Variants in GAS7 observed in about 807,000 individuals in gnomAD.
GAS7 encodes the protein growth arrest-specific protein 7.
Under a neutral mutation model 71.1 loss-of-function variants are expected in GAS7, and 28 were observed. The observed-to-expected ratio is 0.39, with a 90% confidence interval of 0.29 to 0.54. GAS7 has a LOEUF of 0.54. Ranked by LOEUF, GAS7 falls within the 20% of genes least tolerant of loss-of-function variation. GAS7 has a pLI of 0.62. For synonymous variants in GAS7, 258 were observed against 245.8 expected (o/e 1.05, Z -0.46); for missense variants, 436 against 627.8 (o/e 0.69, Z 3.27).
At chr17:10,163,132 A>G (rs2074268648) in intron 1 of GAS7, among the ~76,000 whole-genome samples, 1 of 152,148 alleles carries the variant, frequency 6.6e-6, no homozygotes, top group Non-Finnish European at 1.5e-5. Flanking sequence ...CTTTGTAGAG[A>G]CTGGGTCTTA....
At chr17:9,966,455 T>C (rs1375419430) in intron 4 of GAS7, among the ~76,000 whole-genome samples, 1 of 152,194 alleles carries the variant, frequency 6.6e-6, no homozygotes, top group African/African-American at 2.4e-5. Flanking sequence ...CCACCCCACA[T>C]GCCGCATCTC....
chr17:10,064,052 C>T lies in GAS7; in HGVS notation c.184-44155G>A, dbSNP rs75772645. On this transcript the variant is annotated intron_variant, in intron 1 of 13. Transcript: ENST00000432992. The stretch of plus-strand genomic sequence containing the variant: ...CACCAGCTCGAACATTAGTCACACA[C>T]GTGCCAACAGAAGTTCAAAGATGCT... Among the ~76,000 whole-genome samples the T allele has an allele frequency of 1.8e-4, 27 of 152,262 alleles. No homozygotes were observed. The East Asian group carries it at 5.0e-3, about 28-fold the overall frequency.
chr17:9,982,790 A>G (rs1380669024), intron 2 of GAS7, among the ~76,000 whole-genome samples: 1 of 83,542 alleles, frequency 1.2e-5, no homozygotes, highest in Non-Finnish European at 2.3e-5. Context: ...AAAAAGAAAG[A>G]AAGAAAGGAA....
intron 1 of GAS7, among the ~76,000 whole-genome samples, chr17:10,196,729 G>A (rs11651731): frequency 6.6e-6 from 1 of 152,202 alleles, no homozygotes; most frequent in Non-Finnish European, 1.5e-5. Flanking sequence ...GAATTTCCTG[G>A]AAAAGGGTGA....
intron 1 of GAS7, among the ~76,000 whole-genome samples, chr17:10,037,397 T>A (rs1461403878): frequency 6.6e-6 from 1 of 152,024 alleles, no homozygotes; most frequent in African/African-American, 2.4e-5. Flanking sequence ...TATTTCTGTG[T>A]TTGCTTTCAG....
chr17:10,177,349 T>A (rs2074380591), intron 1 of GAS7, among the ~76,000 whole-genome samples: 1 of 151,766 alleles, frequency 6.6e-6, no homozygotes. Flanking sequence ...GGAGAAGGAG[T>A]GAGGCCAGGT....
intron 1 of GAS7, among the ~76,000 whole-genome samples, chr17:10,046,844 G>GGAAGGAAGGAAA (rs1597746203): frequency 1.2e-5 from 1 of 80,902 alleles, no homozygotes; most frequent in Admixed American, 1.2e-4. Flanking sequence ...AAGGAAGGAA[G>GGAAGGAAGGAAA]GAAAGAAAAG....
chr17:10,045,040 C>CAAAAA (rs5819261), intron 1 of GAS7, among the ~76,000 whole-genome samples: 1 of 82,198 alleles, frequency 1.2e-5, no homozygotes, highest in Non-Finnish European at 2.5e-5. Flanking sequence ...GACTCCATCT[C>CAAAAA]AAAAAAAAAA....
rs890294589 is a variant in GAS7 at position 9,915,570 on chromosome 17, C to A, written c.*1658G>T. On this transcript the variant is annotated 3_prime_UTR_variant, in exon 14 of 14. Coordinates refer to ENST00000432992, the MANE Select transcript of GAS7 (RefSeq NM_201433.2). ...GTTTGGTTTACTTTAGTATATTAGG[C>A]ATTTTTCTAATGTGAACTATACGAA... 1.3e-5 allele frequency: 3 copies of A among 225,112 alleles called. No individual in the cohort carries two copies. The highest frequency in any genetic ancestry group is 5.7e-5 in the Admixed American group (1 of 17,504). The allele number at this position is 225,112 out of a possible 1,614,324, so 13.9% of individuals were successfully genotyped here. A position where few individuals can be genotyped will look rare whatever the true frequency, so the allele number is the denominator to read the frequency against.
intron 1 of GAS7, among the ~76,000 whole-genome samples, chr17:10,190,407 A>G (rs888391116): frequency 6.6e-6 from 1 of 151,860 alleles, no homozygotes; most frequent in Admixed American, 6.6e-5. Flanking sequence ...GCGTGGTGAA[A>G]CCCCATCTCT....
intron 2 of GAS7, among the ~76,000 whole-genome samples, chr17:10,014,023 C>T (rs988099962): frequency 3.3e-5 from 5 of 152,198 alleles, no homozygotes; most frequent in African/African-American, 1.2e-4. Flanking sequence ...CACCAAGTTC[C>T]CATCTCTAGC....
chr17:9,954,388 G>T (rs2069141319), intron 5 of GAS7, among the ~76,000 whole-genome samples: 1 of 152,074 alleles, frequency 6.6e-6, no homozygotes, highest in African/African-American at 2.4e-5. Flanking sequence ...GTTGTCTGGG[G>T]TGAGCACCCC....
intron 1 of GAS7, among the ~76,000 whole-genome samples, chr17:10,058,957 T>C (rs1002149153): frequency 1.3e-5 from 2 of 152,258 alleles, no homozygotes; most frequent in Admixed American, 6.5e-5. Flanking sequence ...CCTGTGTTCA[T>C]TACACGTCTC....
intron 1 of GAS7, among the ~76,000 whole-genome samples, chr17:10,083,964 G>C (rs2073486336): frequency 6.6e-6 from 1 of 152,184 alleles, no homozygotes; most frequent in Non-Finnish European, 1.5e-5. Context: ...TGGTAGCTTG[G>C]CTTTCAGGAT....
At chr17:9,962,269 T>C (rs899967764) in intron 4 of GAS7, among the ~76,000 whole-genome samples, 1 of 112,702 alleles carries the variant, frequency 8.9e-6, no homozygotes, top group Non-Finnish European at 1.8e-5. Context: ...CACACACACG[T>C]GACACACACA....
At chr17:10,086,678 A>G (rs932552258) in intron 1 of GAS7, among the ~76,000 whole-genome samples, 12 of 152,256 alleles carry the variant, frequency 7.9e-5, no homozygotes, top group African/African-American at 2.9e-4. Flanking sequence ...TTATTCATTA[A>G]TACACCTTGA....
intron 8 of GAS7, 82 bp from the exon 9 acceptor site, chr17:9,934,326 C>G: frequency 1.1e-6 from 1 of 920,978 alleles, no homozygotes. Context: ...CCCCAGGTCT[C>G]GGGGAGGTAT....
At position 9,926,659 on chromosome 17, in the gene GAS7, G is replaced by C. The variant is rs918750301; in HGVS notation, c.996C>G (p.Arg332=). 6.2e-7 allele frequency: 1 copy of C among 1,613,644 alleles called. No individual in the cohort carries two copies. The highest frequency in any genetic ancestry group is 1.3e-5 in the African/African-American group (1 of 75,072). ...CTCTCACCTTCTCCACCGAGGCATA[G>C]CGGCTGGCGAGCTGCTTGCGAAGGT... The part of the protein sequence containing the change: ...IADLRKQLAS[R]YASVEKARKA... The change falls in exon 10 of 14, where the codon CGC becomes CGG. Residue 332 remains arginine, a synonymous_variant. Transcript: ENST00000432992. The surrounding 1 kb of genome is among the most constrained non-coding windows in gnomAD (Gnocchi z 5.0).
intron 1 of GAS7, among the ~76,000 whole-genome samples, chr17:10,053,713 GC>G (rs917661602): frequency 6.6e-6 from 1 of 152,142 alleles, no homozygotes; most frequent in Non-Finnish European, 1.5e-5. Flanking sequence ...AACTCCTCCA[GC>G]CCTCTCCGCA....
Sources: allele counts gnomAD v4.1 joint callset (sites outside exome capture counted in the v4.1 genomes callset), GRCh38; gene constraint gnomAD v4.1.1; non-coding constraint Gnocchi (gnomAD v3.1); transcripts MANE v1.5; gene names NCBI Gene and HGNC (gene_info 2026-07-23, HGNC 2026-07-21).